The following HIP1 variants were observed in gnomAD, a reference collection of about 807,000 sequenced individuals.
HIP1 encodes the protein huntingtin-interacting protein 1.
HIP1 carries 65 observed loss-of-function variants against 147.6 expected under a neutral mutation model. The observed-to-expected ratio is 0.44, with a 90% CI of 0.36 to 0.54. The LOEUF is 0.54. HIP1 is among the 20% of genes least tolerant of loss of function. The pLI is 0.00. For synonymous variants in HIP1, 479 were observed against 504.0 expected, an observed-to-expected ratio of 0.95 and a Z score of 0.67; for missense variants, 1,061 against 1,299.6, an observed-to-expected ratio of 0.82 and a Z score of 2.82.
At chr7:75,721,740 G>A (rs1801510789) in intron 1 of HIP1, among the ~76,000 whole-genome samples, 1 of 152,168 alleles carries the variant, frequency 6.6e-6, no homozygotes, top group South Asian at 2.1e-4. Context: ...TAAGTTATCT[G>A]GGTGAATAAC....
chr7:75,599,654 CCT>C (rs1324247222), intron 1 of HIP1, among the ~76,000 whole-genome samples: 3 of 152,062 alleles, frequency 2.0e-5, no homozygotes, highest in African/African-American at 7.2e-5. Flanking sequence ...TCCAGCTGCC[CCT>C]CTCTCCCCTC....
intron 1 of HIP1, among the ~76,000 whole-genome samples, chr7:75,690,213 A>G (rs2117294869): frequency 6.6e-6 from 1 of 152,214 alleles, no homozygotes; most frequent in East Asian, 1.9e-4. Flanking sequence ...AAGGCTGCTC[A>G]GGCAGCAGGG....
intron 1 of HIP1, among the ~76,000 whole-genome samples, chr7:75,599,667 C>T (rs1796899277): frequency 1.3e-5 from 2 of 152,184 alleles, no homozygotes; most frequent in Non-Finnish European, 1.5e-5. Flanking sequence ...CTCTCCCCTC[C>T]AAACCTTCCA....
chr7:75,539,264 T>C, intron 30 of HIP1, 59 bp downstream of exon 30: 1 of 1,259,338 alleles, frequency 7.9e-7, no homozygotes, highest in Non-Finnish European at 1.2e-6. Context: ...GGGAAGGCCC[T>C]GGCCACACAG....
chr7:75,662,584 C>A (rs1394299516), intron 1 of HIP1, among the ~76,000 whole-genome samples: 1 of 152,188 alleles, frequency 6.6e-6, no homozygotes, highest in Admixed American at 6.6e-5. Context: ...CAGCTCACTG[C>A]AACCTCCCTC....
intron 1 of HIP1, among the ~76,000 whole-genome samples, chr7:75,632,040 G>A (rs1554509015): frequency 1.3e-5 from 2 of 152,148 alleles, no homozygotes; most frequent in Non-Finnish European, 2.9e-5. Flanking sequence ...AACTCGGAGG[G>A]GCCTCCGAAG....
intron 1 of HIP1, among the ~76,000 whole-genome samples, chr7:75,713,712 T>C (rs1407329213): frequency 6.6e-6 from 1 of 151,602 alleles, no homozygotes; most frequent in African/African-American, 2.4e-5. Flanking sequence ...TTTTTTTTTT[T>C]TTGAGGTGGA....
intron 1 of HIP1, among the ~76,000 whole-genome samples, chr7:75,724,698 G>A (rs1801600135): frequency 6.6e-6 from 1 of 152,182 alleles, no homozygotes; most frequent in Non-Finnish European, 1.5e-5. Context: ...AAAGTTGAAT[G>A]AGAAATTTAG....
At chr7:75,618,557 G>A (rs782015788) in intron 1 of HIP1, among the ~76,000 whole-genome samples, 11 of 152,066 alleles carry the variant, frequency 7.2e-5, no homozygotes, top group Non-Finnish European at 1.2e-4. Flanking sequence ...AAAGTGCCGG[G>A]ATTACAGGCA....
At chr7:75,561,820 T>G (rs1034825905) in intron 12 of HIP1, among the ~76,000 whole-genome samples, 1 of 152,118 alleles carries the variant, frequency 6.6e-6, no homozygotes, top group Non-Finnish European at 1.5e-5. Flanking sequence ...TTTTTTACTT[T>G]TATTTAATAA....
intron 1 of HIP1, among the ~76,000 whole-genome samples, chr7:75,666,946 T>C (rs1428042243): frequency 6.6e-6 from 1 of 152,138 alleles, no homozygotes; most frequent in Non-Finnish European, 1.5e-5. Context: ...ACCATTTATA[T>C]AGTATGAGCA....
At chr7:75,603,028 A>C (rs1797065668) in intron 1 of HIP1, among the ~76,000 whole-genome samples, 1 of 152,032 alleles carries the variant, frequency 6.6e-6, no homozygotes, top group Non-Finnish European at 1.5e-5. Flanking sequence ...TGCCAAGGAC[A>C]GCCAGCGGCC....
At position 75,562,157 on chromosome 7, in the gene HIP1, T is replaced by C. The variant is rs782418972; in HGVS notation, c.1034A>G (p.Asn345Ser). ...ACTGCCAAAGATGTCATCAAACTTG[T>C]TGTCAAATAAATTCTGTGGTTGACC... ...MDASQQNLFD[N>S]KFDDIFGSSF... is the part of the protein sequence containing the mutation. The change falls in exon 12 of 31, where the codon AAC (asparagine) becomes AGC (serine). Residue 345 changes from asparagine to serine, a missense_variant. By Grantham distance (46) the Asn-to-Ser change is conservative (BLOSUM62 1). Transcript: ENST00000336926. 3.1e-6 allele frequency: 5 copies of C among 1,612,980 alleles called. No individual in the cohort carries two copies. In the African/African-American group the frequency reaches 4.0e-5, roughly 13 times the overall value.
At chr7:75,627,898 C>A (rs587679231) in intron 1 of HIP1, among the ~76,000 whole-genome samples, 6 of 152,300 alleles carry the variant, frequency 3.9e-5, no homozygotes, top group Non-Finnish European at 7.3e-5. Context: ...TCAGACAACT[C>A]TCAGCAATGA....
At chr7:75,602,997 A>ATCCTCCCACC (rs1797064688) in intron 1 of HIP1, among the ~76,000 whole-genome samples, 1 of 151,922 alleles carries the variant, frequency 6.6e-6, no homozygotes, top group African/African-American at 2.4e-5. Context: ...GAGATGAGTG[A>ATCCTCCCACC]TGAGTCTACA....
At position 75,595,255 on chromosome 7, in the gene HIP1, C is replaced by CTTTCTTTCTTTTT. The variant is rs1491555852; in HGVS notation, c.185-2742_185-2741insAAAAAGAAAGAAA. On this transcript the variant is annotated intron_variant, in intron 2 of 30. Transcript: ENST00000336926. Reference sequence around the variant, plus strand: ...TTCTTTCTTTCTTTCTTTCTTTCTTCCTTCCTTCCTTCCTTCCTTCCTTCC... The same window carrying CTTTCTTTCTTTTT: ...TTCTTTCTTTCTTTCTTTCTTTCTTCTTTCTTTCTTTTTCTTCCTTCCTTCCTTCCTTCCTTCC... Among the ~76,000 whole-genome samples, 47 of 68,362 alleles carry CTTTCTTTCTTTTT rather than the reference C, an allele frequency of 6.9e-4. 1 individual carries two copies. The highest frequency in any genetic ancestry group is 2.2e-3 in the African/African-American group (45 of 20,854). 44.8% of individuals were successfully genotyped at this position (68,362 alleles called of 152,430 possible).
intron 23 of HIP1, 128 bp from the exon 24 acceptor site, chr7:75,547,941 G>A: frequency 2.5e-6 from 2 of 811,816 alleles, no homozygotes; most frequent in South Asian, 1.4e-5. Flanking sequence ...CCAAGTCCCT[G>A]CCCACATTCT....
At chr7:75,540,867 G>A (rs1327566660) in intron 29 of HIP1, among the ~76,000 whole-genome samples, 1 of 152,130 alleles carries the variant, frequency 6.6e-6, no homozygotes, top group Non-Finnish European at 1.5e-5. Context: ...CATACCAGAA[G>A]TCTAAAACAG....
chr7:75,663,953 TATATGTGTATATATATATACAC>T (rs1799401858), intron 1 of HIP1, among the ~76,000 whole-genome samples: 1 of 103,088 alleles, frequency 9.7e-6, no homozygotes, highest in African/African-American at 4.6e-5. Context: ...TATATACACA[TATATGTGTATATATATATACAC>T]ATATATGTGT....
Sources: gnomAD v4.1 joint callset for allele counts (sites outside exome capture counted in the v4.1 genomes callset) on GRCh38, gnomAD v4.1.1 for gene constraint, MANE v1.5 for transcripts, NCBI Gene and HGNC (gene_info 2026-07-23, HGNC 2026-07-21) for gene names.